SUGP2: variants seen among roughly 807,000 people sequenced by gnomAD.
SUGP2 encodes the protein SURP and G-patch domain containing 2, also known as SURP and G-patch domain-containing protein 2.
In SUGP2, 24 loss-of-function variants were observed where a neutral mutation model predicts 90.5. That is an observed-to-expected ratio of 0.27 (90% CI 0.19 to 0.37). SUGP2 has a LOEUF of 0.37. Ranked by LOEUF, SUGP2 falls within the 10% of genes least tolerant of loss-of-function variation. The probability of loss-of-function intolerance (pLI) is 1.00; values close to 1 mark genes in which losing one functional copy is unlikely to be tolerated. For synonymous variants in SUGP2, 473 were observed against 513.4 expected, an observed-to-expected ratio of 0.92 and a Z score of 1.06; for missense variants, 1,233 against 1,363.3, an observed-to-expected ratio of 0.90 and a Z score of 1.51.
intron 8 of SUGP2, among the ~76,000 whole-genome samples, chr19:18,999,789 C>T (rs1312077155): frequency 6.6e-6 from 1 of 152,214 alleles, no homozygotes. Context: ...CCAGGTGACC[C>T]TGCTTGCCCC....
At chr19:18,999,369 A>T (rs2057740742) in intron 8 of SUGP2, among the ~76,000 whole-genome samples, 1 of 151,964 alleles carries the variant, frequency 6.6e-6, no homozygotes, top group African/African-American at 2.4e-5. Flanking sequence ...TCCTCACTGT[A>T]CCTCCTACCT....
chr19:19,033,789 G>T (rs908010203), upstream of SUGP2: 1 of 247,746 alleles, frequency 4.0e-6, no homozygotes, highest in Non-Finnish European at 7.7e-6. Flanking sequence ...CTTGGTTATC[G>T]TGAGCGTCCG....
intron 3 of SUGP2, among the ~76,000 whole-genome samples, chr19:19,019,698 G>A (rs1489044451): frequency 3.3e-5 from 5 of 151,326 alleles, no homozygotes; most frequent in African/African-American, 1.2e-4. Context: ...AATATGTTAG[G>A]AAATATGTTA....
intron 2 of SUGP2, among the ~76,000 whole-genome samples, chr19:19,028,721 C>T (rs947821296): frequency 9.2e-5 from 14 of 152,030 alleles, no homozygotes; most frequent in South Asian, 8.3e-4. Context: ...TTTTTTGAGA[C>T]GGAGTCTCGT....
chr19:19,026,242 CAAAA>C lies in SUGP2; in HGVS notation c.122-20_122-17del. Reference sequence around the variant, plus strand: ...CTTAAGAGATCTGAAATAAACCATCCAAAAAAAAAAAAGAAGAAGCCAAAAGATA... The same window carrying C: ...CTTAAGAGATCTGAAATAAACCATCCAAAAAAAAGAAGAAGCCAAAAGATA... On this transcript the variant is annotated splice_polypyrimidine_tract_variant and intron_variant, in intron 2 of 10. Transcript: ENST00000452918. 1 of 1,175,208 alleles carries C rather than the reference CAAAA, an allele frequency of 8.5e-7. No homozygotes were observed. The highest frequency in any genetic ancestry group is 1.1e-6 in the Non-Finnish European group (1 of 878,676). The allele number at this position is 1,175,208 out of a possible 1,614,324, so 72.8% of individuals were successfully genotyped here.
rs747428680 is a variant in SUGP2, at chr19:19,010,361, A to G, written c.1851-19T>C. 4 of 1,599,052 alleles carry G rather than the reference A, an allele frequency of 2.5e-6. No homozygotes were observed. The highest frequency in any genetic ancestry group is 3.4e-6 in the Non-Finnish European group (4 of 1,174,622). On this transcript the variant is annotated intron_variant, in intron 4 of 10. Transcript: ENST00000452918. ...CAAAAACCTAGATAACAAAACAAGC[A>G]TAACGGGACATTTATGAAAACACCA...
intron 3 of SUGP2, among the ~76,000 whole-genome samples, chr19:19,022,994 T>C (rs780056520): frequency 3.3e-5 from 5 of 152,190 alleles, no homozygotes; most frequent in Non-Finnish European, 5.9e-5. Flanking sequence ...CTCTGGGATG[T>C]CTGGGCTGTG....
chr19:19,025,125 T>A lies in SUGP2; in HGVS notation c.1223A>T (p.Asp408Val), dbSNP rs1280758932. 5 of 1,613,290 alleles carry A rather than the reference T, an allele frequency of 3.1e-6. No homozygotes were observed. Among genetic ancestry groups the A allele is most frequent in the Non-Finnish European group, 4.2e-6 (5 of 1,179,900 alleles). The change falls in exon 3 of 11, where the codon GAC (aspartate) becomes GTC (valine). Residue 408 changes from aspartate (D) to valine (V), a missense_variant. Asp to Val is a radical substitution (Grantham distance 152). Transcript: ENST00000452918. ...ATTTTTGGTCTTCACAGCACCTTTG[T>A]CTAAAAGCATGTTTAAAAACTCATT... ...VDNEFLNMLL[D>V]KGAVKTKNCF...
chr19:19,005,969 T>C (rs961985478), intron 6 of SUGP2, among the ~76,000 whole-genome samples: 4 of 151,844 alleles, frequency 2.6e-5, no homozygotes, highest in African/African-American at 9.7e-5. Flanking sequence ...TGGTGGCTCA[T>C]GCCTCCCAGC....
intron 3 of SUGP2, among the ~76,000 whole-genome samples, chr19:19,019,957 G>A (rs2058651691): frequency 9.0e-6 from 1 of 111,230 alleles, no homozygotes; most frequent in African/African-American, 3.5e-5. Context: ...GACCACACTG[G>A]GCAACATGGT....
In SUGP2 at chr19:19,010,221, C is replaced by T; in HGVS notation, c.1972G>A (p.Val658Met). The change falls in exon 5 of 11, where the codon GTG becomes ATG. Residue 658 changes from valine to methionine, a missense_variant. Coordinates refer to ENST00000452918, the MANE Select transcript of SUGP2 (RefSeq NM_001017392.5). ...GCCCGGGAGTACAGCATGGCCCTCA[C>T]TGCACAGTCTGCTGAGGTCGGCTTC... ...DQKPTSADCA[V>M]RAMLYSRAVR... is the part of the protein sequence containing the mutation. The T allele has an allele frequency of 6.2e-7, 1 of 1,614,108 alleles. No homozygotes were observed. Among genetic ancestry groups the T allele is most frequent in the Non-Finnish European group, 8.5e-7 (1 of 1,180,034 alleles).
At chr19:19,011,444 G>A (rs1463302884) in intron 4 of SUGP2, among the ~76,000 whole-genome samples, 2 of 151,944 alleles carry the variant, frequency 1.3e-5, no homozygotes, top group East Asian at 3.9e-4. Context: ...CACTGCACCT[G>A]GCCCACTATT....
intron 3 of SUGP2, among the ~76,000 whole-genome samples, chr19:19,019,683 AAGGAAATATGTT>A (rs1004555120): frequency 6.6e-6 from 1 of 151,888 alleles, no homozygotes; most frequent in Non-Finnish European, 1.5e-5. Context: ...AGAAGACTAT[AAGGAAATATGTT>A]AGGAAATATG....
At chr19:19,027,438 T>C (rs140144302) in intron 2 of SUGP2, among the ~76,000 whole-genome samples, 151 of 152,372 alleles carry the variant, frequency 9.9e-4, no homozygotes, top group Non-Finnish European at 1.8e-3. Context: ...GCGCAAGCAC[T>C]GTACTAGGCA....
intron 3 of SUGP2, among the ~76,000 whole-genome samples, chr19:19,020,398 C>T (rs560317686): frequency 6.0e-5 from 9 of 148,792 alleles, no homozygotes; most frequent in Non-Finnish European, 1.2e-4. Context: ...CGCCACTGCA[C>T]TCCAGCCTGA....
At chr19:18,999,327 A>G (rs1045906819) in intron 8 of SUGP2, among the ~76,000 whole-genome samples, 1 of 152,192 alleles carries the variant, frequency 6.6e-6, no homozygotes, top group African/African-American at 2.4e-5. Flanking sequence ...CAGCATGTGC[A>G]GGACACCCAC....
intron 6 of SUGP2, among the ~76,000 whole-genome samples, chr19:19,005,103 C>T (rs1599438057): frequency 6.6e-6 from 1 of 152,074 alleles, no homozygotes; most frequent in African/African-American, 2.4e-5. Flanking sequence ...CCGTAAGGTG[C>T]CCCCCGAGGA....
At chr19:19,015,352 C>T (rs1452515332) in intron 4 of SUGP2, among the ~76,000 whole-genome samples, 5 of 152,128 alleles carry the variant, frequency 3.3e-5, no homozygotes, top group Non-Finnish European at 5.9e-5. Flanking sequence ...TTTCATTATG[C>T]GTTCAATTGA....
At position 19,007,755 on chromosome 19, in the gene SUGP2, CTT is replaced by C. The variant is rs34670209; in HGVS notation, c.2450+560_2450+561del. On this transcript the variant is annotated intron_variant, in intron 6 of 10. Transcript: ENST00000452918. ...ACAAGCATGAGCCATTGCACCTAGC[CTT>C]TTTTTTTTTTTTTTTTTTTGGAGAT... is the stretch of plus-strand genomic sequence containing the variant. Among the ~76,000 whole-genome samples the C allele has an allele frequency of 3.2e-4, 36 of 113,400 alleles. 2 individuals carry two copies. Among genetic ancestry groups the C allele is most frequent in the African/African-American group, 6.0e-4 (17 of 28,402 alleles). The allele number at this position is 113,400 out of a possible 152,430, so 74.4% of individuals were successfully genotyped here.
Sources: gnomAD v4.1 joint callset for allele counts (sites outside exome capture counted in the v4.1 genomes callset) on GRCh38, gnomAD v4.1.1 for gene constraint, MANE v1.5 for transcripts, NCBI Gene and HGNC (gene_info 2026-07-23, HGNC 2026-07-21) for gene names.